The following AMDHD2 variants were observed in gnomAD, a reference collection of about 807,000 sequenced individuals.
The protein encoded by AMDHD2 is N-acetylglucosamine-6-phosphate deacetylase.
A neutral mutation model predicts 41.8 loss-of-function variants in AMDHD2; 24 were observed. That is an observed-to-expected ratio of 0.57 (90% CI 0.42 to 0.81). The LOEUF is 0.81. Among genes scored for constraint, AMDHD2 ranks in the 30% least tolerant of loss-of-function variants. The pLI, the probability that AMDHD2 is intolerant of heterozygous loss-of-function variation, is 0.00. For synonymous variants in AMDHD2, 332 were observed against 255.5 expected (o/e 1.30, Z -2.85); for missense variants, 540 against 588.5 (o/e 0.92, Z 0.85).
Position 2,531,166 on chromosome 16 carries a change from G to T in AMDHD2, c.*1603G>T. The T allele has an allele frequency of 2.7e-6, 4 of 1,473,354 alleles. No homozygotes were observed. The highest frequency in any genetic ancestry group is 2.7e-6 in the Non-Finnish European group (3 of 1,099,182). The allele number at this position is 1,473,354 out of a possible 1,614,324, so 91.3% of individuals were successfully genotyped here. On this transcript the variant is annotated 3_prime_UTR_variant, in exon 11 of 11. Transcript: ENST00000293971. ...TGGTGAGCCCTGGGCCAGCCTTTGG[G>T]CCTGGCCTGCCCCATTCACCGGCCA... is the stretch of plus-strand genomic sequence containing the variant.
rs1293229931 is a variant in AMDHD2, at chr16:2,530,178, C to G, written c.*615C>G. ...GGACCCCTGTTTTCTGCTCCCTGGA[C>G]TGCCTAGCCCTGAGTGCCACGGATG... On this transcript the variant is annotated 3_prime_UTR_variant, in exon 11 of 11. Coordinates refer to ENST00000293971, the MANE Select transcript of AMDHD2 (RefSeq NM_001330449.2). The G allele has an allele frequency of 1.4e-6, 2 of 1,470,370 alleles. No individual in the cohort carries two copies. The highest frequency in any genetic ancestry group is 1.8e-6 in the Non-Finnish European group (2 of 1,109,750). The allele number at this position is 1,470,370 out of a possible 1,614,324, so 91.1% of individuals were successfully genotyped here.
In AMDHD2 at chr16:2,527,661, CG is replaced by C; in HGVS notation, c.415+49del. 6.3e-7 allele frequency: 1 copy of C among 1,586,616 alleles called. No homozygotes were observed. The highest frequency in any genetic ancestry group is 8.6e-7 in the Non-Finnish European group (1 of 1,166,566). On this transcript the variant is annotated intron_variant, in intron 4 of 10. Transcript: ENST00000293971. The surrounding 1 kb of genome is among the most constrained non-coding windows in gnomAD (Gnocchi z 6.1). ...CCGCCCCCACCCTGGGAGGCTCCTG[CG>C]GGACCTGTTGGCAGCCCCCACCCCT... is the stretch of plus-strand genomic sequence containing the variant.
Position 2,528,121 on chromosome 16 carries a change from C to T in AMDHD2, c.690C>T (p.Ile230=), listed in dbSNP as rs561836872. The change falls in exon 6 of 11, where the codon ATC becomes ATT. Residue 230 remains isoleucine, a synonymous_variant. Transcript: ENST00000293971. ...EDAVWSGATF[I]THLFNAMLPF... is the part of the protein sequence containing the mutation. ...CTGTGTGGAGCGGAGCCACCTTCATCACCCACCTCTTCAACGCCATGCTGC... is the reference window on the plus strand; with the variant it reads ...CTGTGTGGAGCGGAGCCACCTTCATTACCCACCTCTTCAACGCCATGCTGC... 3 of 1,613,118 alleles carry T rather than the reference C, an allele frequency of 1.9e-6. No individual in the cohort carries two copies. In the African/African-American group the frequency reaches 4.0e-5, roughly 22 times the overall value.
chr16:2,530,398 C>G lies in AMDHD2; in HGVS notation c.*835C>G. On this transcript the variant is annotated 3_prime_UTR_variant, in exon 11 of 11. Coordinates refer to ENST00000293971, the MANE Select transcript of AMDHD2 (RefSeq NM_001330449.2). The stretch of plus-strand genomic sequence containing the variant: ...CCCTGGCACACACCCATGTGGCAAA[C>G]ACGGGCCGTGAGGCTCCCTGAACAG... 2 of 1,614,202 alleles carry G rather than the reference C, an allele frequency of 1.2e-6. No homozygotes were observed. The highest frequency in any genetic ancestry group is 3.3e-5 in the Admixed American group (2 of 60,028).
Position 2,530,127 on chromosome 16 carries a change from G to C in AMDHD2, c.*564G>C, listed in dbSNP as rs1432334488. The C allele has an allele frequency of 1.4e-5, 19 of 1,337,556 alleles. No individual in the cohort carries two copies. The highest frequency in any genetic ancestry group is 1.7e-5 in the Non-Finnish European group (17 of 1,005,880). The allele number at this position is 1,337,556 out of a possible 1,614,324, so 82.9% of individuals were successfully genotyped here. On this transcript the variant is annotated 3_prime_UTR_variant, in exon 11 of 11. Coordinates refer to ENST00000293971, the MANE Select transcript of AMDHD2 (RefSeq NM_001330449.2). ...GGCACAGTGCCAGGGGCTCCGCTCT[G>C]ACCTCCAGGAGGGAGACTGGGCCCG...
In AMDHD2 at chr16:2,529,587, C is replaced by G; in HGVS notation, c.*24C>G. ...GACAAGGACCTCGGCTGAGAGGACA[C>G]CTGGCCGCAGCGGGATGCCATCAGG... On this transcript the variant is annotated 3_prime_UTR_variant, in exon 11 of 11. Transcript: ENST00000293971. 1 of 1,604,360 alleles carries G rather than the reference C, an allele frequency of 6.2e-7. No homozygotes were observed. The highest frequency in any genetic ancestry group is 8.5e-7 in the Non-Finnish European group (1 of 1,179,804).
At chr16:2,521,999 T>C (rs553387855) in intron 3 of AMDHD2, among the ~76,000 whole-genome samples, 1 of 151,986 alleles carries the variant, frequency 6.6e-6, no homozygotes, top group African/African-American at 2.4e-5. Flanking sequence ...TTAGCCAGGA[T>C]GGTCTCGATC....
At chr16:2,521,174 C>G (rs754057845) in intron 3 of AMDHD2, 51 bp downstream of exon 3, 3 of 1,499,366 alleles carry the variant, frequency 2.0e-6, no homozygotes, top group Non-Finnish European at 2.7e-6. Flanking sequence ...GAGCAACCAG[C>G]GCCCTCATTT....
chr16:2,530,566 C>A lies in AMDHD2; in HGVS notation c.*1003C>A. 1 of 1,614,186 alleles carries A rather than the reference C, an allele frequency of 6.2e-7. No individual in the cohort carries two copies. Among genetic ancestry groups the A allele is most frequent in the Non-Finnish European group, 8.5e-7 (1 of 1,180,016 alleles). On this transcript the variant is annotated 3_prime_UTR_variant, in exon 11 of 11. Transcript: ENST00000293971. The stretch of plus-strand genomic sequence containing the variant: ...TTTGAGTTCTGGGGTGGGTGGCTCC[C>A]TTCCCCCTTGCTTACAGGTGCTGTC...
chr16:2,531,256 A>AGCCCTGGGTGGTGGGAGAGGG lies in AMDHD2; in HGVS notation c.*1698_*1718dup, dbSNP rs2066092575. On this transcript the variant is annotated 3_prime_UTR_variant, in exon 11 of 11. Transcript: ENST00000293971. Reference sequence around the variant, plus strand: ...GCAGAGATGGTTGGTCCACAGGGCTAGCCCTGGGTGGTGGGAGAGGGGCCC... The same window carrying AGCCCTGGGTGGTGGGAGAGGG: ...GCAGAGATGGTTGGTCCACAGGGCTAGCCCTGGGTGGTGGGAGAGGGGCCCTGGGTGGTGGGAGAGGGGCCC... 1.9e-5 allele frequency: 14 copies of AGCCCTGGGTGGTGGGAGAGGG among 734,880 alleles called. No homozygotes were observed. Among genetic ancestry groups the AGCCCTGGGTGGTGGGAGAGGG allele is most frequent in the Middle Eastern group, 4.0e-4 (1 of 2,508 alleles). The allele number at this position is 734,880 out of a possible 1,614,324, so 45.5% of individuals were successfully genotyped here.
chr16:2,520,433 G>A lies in AMDHD2; in HGVS notation c.-26G>A, dbSNP rs1252868615. 2.4e-6 allele frequency: 3 copies of A among 1,227,210 alleles called. No homozygotes were observed. The highest frequency in any genetic ancestry group is 3.1e-6 in the Non-Finnish European group (3 of 980,140). 76.0% of individuals were successfully genotyped at this position (1,227,210 alleles called of 1,614,324 possible). ...GATTTGGCCGCCGCGGGGCTCCGGA[G>A]CCGCTCGCTCCCGACACGGCTCACG... On this transcript the variant is annotated 5_prime_UTR_variant, in exon 1 of 11. Coordinates refer to ENST00000293971, the MANE Select transcript of AMDHD2 (RefSeq NM_001330449.2).
chr16:2,520,565 G>A lies in AMDHD2; in HGVS notation c.83+24G>A, dbSNP rs547823143. The A allele has an allele frequency of 3.3e-6, 4 of 1,224,758 alleles. No individual in the cohort carries two copies. The East Asian group carries it at 9.8e-5, about 30-fold the overall frequency. The allele number at this position is 1,224,758 out of a possible 1,614,324, so 75.9% of individuals were successfully genotyped here. ...AGGTGGGCGCGGGCCGGGGACTGCGGGGCTGGGGACCGGGCGGGGTGCAGG... is the reference window on the plus strand; with the variant it reads ...AGGTGGGCGCGGGCCGGGGACTGCGAGGCTGGGGACCGGGCGGGGTGCAGG... On this transcript the variant is annotated intron_variant, in intron 1 of 10. Transcript: ENST00000293971.
At chr16:2,522,337 C>T (rs918645969) in intron 3 of AMDHD2, among the ~76,000 whole-genome samples, 1 of 152,164 alleles carries the variant, frequency 6.6e-6, no homozygotes, top group Admixed American at 6.5e-5. Context: ...CTGTCTTAGT[C>T]CCCCAGAGTA....
chr16:2,531,360 G>C lies in AMDHD2; in HGVS notation c.*1797G>C, dbSNP rs2066094629. ...GGTGTGGGGGAAGCACTCTTGGTTGGTTTTGGTTTGCTTTTTAAAAATTGT... is the reference window on the plus strand; with the variant it reads ...GGTGTGGGGGAAGCACTCTTGGTTGCTTTTGGTTTGCTTTTTAAAAATTGT... On this transcript the variant is annotated 3_prime_UTR_variant, in exon 11 of 11. Coordinates refer to ENST00000293971, the MANE Select transcript of AMDHD2 (RefSeq NM_001330449.2). The C allele has an allele frequency of 2.0e-6, 1 of 507,494 alleles. No homozygotes were observed. The highest frequency in any genetic ancestry group is 1.9e-5 in the African/African-American group (1 of 52,650). 31.4% of individuals were successfully genotyped at this position (507,494 alleles called of 1,614,324 possible).
At chr16:2,529,222 C>A in intron 10 of AMDHD2, 127 bp downstream of exon 10, 1 of 1,099,110 alleles carries the variant, frequency 9.1e-7, no homozygotes, top group Non-Finnish European at 1.3e-6. Context: ...GGTGGGCTGC[C>A]GGCTGCCAGC....
chr16:2,524,834 T>C (rs1160876073), intron 3 of AMDHD2, among the ~76,000 whole-genome samples: 1 of 152,070 alleles, frequency 6.6e-6, no homozygotes, highest in Non-Finnish European at 1.5e-5. Flanking sequence ...CCGTGAGTCC[T>C]CTTAGCCCCT....
chr16:2,530,417 T>G lies in AMDHD2; in HGVS notation c.*854T>G. 1.2e-6 allele frequency: 2 copies of G among 1,614,196 alleles called. No individual in the cohort carries two copies. Among genetic ancestry groups the G allele is most frequent in the Non-Finnish European group, 1.7e-6 (2 of 1,180,020 alleles). On this transcript the variant is annotated 3_prime_UTR_variant, in exon 11 of 11. Transcript: ENST00000293971. ...GGCAAACACGGGCCGTGAGGCTCCC[T>G]GAACAGCTTCGAGGCGGGTGGGCTT...
intron 8 of AMDHD2, 33 bp downstream of exon 8, chr16:2,528,592 C>A (rs1031714169): frequency 2.1e-5 from 34 of 1,612,654 alleles, no homozygotes; most frequent in Non-Finnish European, 2.7e-5. Context: ...TCCCAGGTCC[C>A]AGCCCGCATG....
rs1254804802 is a variant in AMDHD2 at position 2,520,373 on chromosome 16, C to G, written c.-86C>G. The G allele has an allele frequency of 4.5e-6, 5 of 1,113,546 alleles. No homozygotes were observed. Among genetic ancestry groups the G allele is most frequent in the Non-Finnish European group, 5.7e-6 (5 of 884,866 alleles). The allele number at this position is 1,113,546 out of a possible 1,614,324, so 69.0% of individuals were successfully genotyped here. A position where few individuals can be genotyped will look rare whatever the true frequency, so the allele number is the denominator to read the frequency against. On this transcript the variant is annotated 5_prime_UTR_variant, in exon 1 of 11. Coordinates refer to ENST00000293971, the MANE Select transcript of AMDHD2 (RefSeq NM_001330449.2). ...CAGCTGAAGGTCACGTGGGCGCGGT[C>G]TCAGCTCTCGGCTGGGGTTCGTCAC...
Sources: allele counts gnomAD v4.1 joint callset (sites outside exome capture counted in the v4.1 genomes callset), GRCh38; gene constraint gnomAD v4.1.1; non-coding constraint Gnocchi (gnomAD v3.1); transcripts MANE v1.5; gene names NCBI Gene and HGNC (gene_info 2026-07-23, HGNC 2026-07-21).